ABCG2: variants seen among roughly 807,000 people sequenced by gnomAD.
ABCG2 encodes ATP binding cassette subfamily G member 2 (JR blood group), also known as broad substrate specificity ATP-binding cassette transporter ABCG2.
ABCG2 carries 80 observed loss-of-function variants against 73.5 expected under a neutral mutation model. The observed-to-expected ratio is 1.09, with a 90% CI of 0.91 to 1.31. The LOEUF (loss-of-function observed/expected upper bound fraction) is 1.31. Ranked by LOEUF, ABCG2 falls within the 50% of genes most tolerant of loss-of-function variation. ABCG2 has a pLI of 0.00. For synonymous variants in ABCG2, 269 were observed against 282.4 expected (o/e 0.95, Z 0.48); for missense variants, 796 against 786.2 (o/e 1.01, Z -0.15).
At chr4:88,095,455 G>T (rs1721919945) in intron 14 of ABCG2, 65 bp downstream of exon 14, 1 of 1,401,842 alleles carries the variant, frequency 7.1e-7, no homozygotes, top group Non-Finnish European at 1.0e-6. Flanking sequence ...ATGAGATGAG[G>T]ACACTTGATT....
intron 1 of ABCG2, among the ~76,000 whole-genome samples, chr4:88,175,158 G>A (rs1434165455): frequency 6.6e-6 from 1 of 152,186 alleles, no homozygotes; most frequent in African/African-American, 2.4e-5. Context: ...TTAAGAAACA[G>A]ATTGTTATGT....
At chr4:88,115,250 CTCTCTCTATATATATA>C (rs906702693) in intron 7 of ABCG2, among the ~76,000 whole-genome samples, 192 bp from the exon 8 acceptor site, 2 of 80,430 alleles carry the variant, frequency 2.5e-5, no homozygotes, top group African/African-American at 8.5e-5. Flanking sequence ...CTCTCTCTCT[CTCTCTCTATATATATA>C]TATATATATA....
intron 1 of ABCG2, among the ~76,000 whole-genome samples, chr4:88,194,382 C>G (rs1009862499): frequency 1.3e-5 from 2 of 151,598 alleles, no homozygotes; most frequent in African/African-American, 4.8e-5. Flanking sequence ...AACCCCGTCT[C>G]TACTAAAAAT....
chr4:88,204,995 G>A (rs1035227073), intron 1 of ABCG2, among the ~76,000 whole-genome samples: 1 of 152,224 alleles, frequency 6.6e-6, no homozygotes, highest in Non-Finnish European at 1.5e-5. Context: ...AGACCAGACT[G>A]TCTTGAACAA....
chr4:88,100,870 A>C (rs1722359681), intron 11 of ABCG2, among the ~76,000 whole-genome samples: 1 of 152,116 alleles, frequency 6.6e-6, no homozygotes, highest in Non-Finnish European at 1.5e-5. Flanking sequence ...TTTACTAAAA[A>C]CAAAATATAC....
chr4:88,213,757 A>G (rs1230937918), intron 1 of ABCG2, among the ~76,000 whole-genome samples: 1 of 151,714 alleles, frequency 6.6e-6, no homozygotes, highest in African/African-American at 2.4e-5. Flanking sequence ...ATCTTGGCTC[A>G]CTTCAACCTC....
At chr4:88,132,759 C>A in intron 2 of ABCG2, 124 bp from the exon 3 acceptor site, 1 of 1,083,632 alleles carries the variant, frequency 9.2e-7, no homozygotes, top group South Asian at 1.4e-5. Flanking sequence ...AAGCACAAAC[C>A]AACTCTTAAA....
chr4:88,135,714 C>T (rs1009528031), intron 2 of ABCG2, among the ~76,000 whole-genome samples: 2 of 152,186 alleles, frequency 1.3e-5, no homozygotes, highest in African/African-American at 4.8e-5. Context: ...CAATGTCCTG[C>T]ACTAGCAGGC....
rs547614449 is a variant in ABCG2, at chr4:88,148,622, C to T, written c.-19-8608G>A. On this transcript the variant is annotated intron_variant, in intron 1 of 15. Coordinates refer to ENST00000237612, the MANE Select transcript of ABCG2 (RefSeq NM_004827.3). ...CAAGGTATCTATAGGAAATTAATAA[C>T]TTACAGAAATTAATACTTATTACTA... 5.3e-5 allele frequency among the ~76,000 whole-genome samples: 8 copies of T among 152,260 alleles called. No homozygotes were observed. The South Asian group carries it at 1.0e-3, about 20-fold the overall frequency.
At chr4:88,130,199 G>A (rs1270234383) in intron 5 of ABCG2, among the ~76,000 whole-genome samples, 6 of 152,092 alleles carry the variant, frequency 3.9e-5, no homozygotes, top group East Asian at 3.9e-4. Flanking sequence ...AAGCTTCATC[G>A]GTATTTACAG....
At chr4:88,186,918 CAAAAAAAA>C (rs35676506) in intron 1 of ABCG2, among the ~76,000 whole-genome samples, 1 of 76,340 alleles carries the variant, frequency 1.3e-5, no homozygotes. Flanking sequence ...GACTCCGTCT[CAAAAAAAA>C]AAAAAAAAAA....
At chr4:88,098,649 T>TAGATAGAC (rs1423719232) in intron 12 of ABCG2, among the ~76,000 whole-genome samples, 3 of 146,974 alleles carry the variant, frequency 2.0e-5, no homozygotes, top group Non-Finnish European at 3.0e-5. Flanking sequence ...CAGGGAGAGA[T>TAGATAGAC]AGATAGATAG....
At chr4:88,104,373 G>A (rs1019471172) in intron 10 of ABCG2, among the ~76,000 whole-genome samples, 3 of 152,144 alleles carry the variant, frequency 2.0e-5, no homozygotes, top group African/African-American at 7.2e-5. Context: ...TTGAGAACCT[G>A]TTTCCAGAGA....
At chr4:88,166,063 C>T (rs1036995422) in intron 1 of ABCG2, among the ~76,000 whole-genome samples, 3 of 152,112 alleles carry the variant, frequency 2.0e-5, no homozygotes, top group Non-Finnish European at 4.4e-5. Flanking sequence ...ATGGAGGGAC[C>T]CACTGGCACC....
chr4:88,223,979 A>C (rs1178064940), intron 1 of ABCG2: 1 of 151,560 alleles, frequency 6.6e-6, no homozygotes, highest in African/African-American at 2.4e-5. Flanking sequence ...GCATCTTTTC[A>C]TGTGCTTATT....
chr4:88,147,675 C>G (rs1726151238), intron 1 of ABCG2, among the ~76,000 whole-genome samples: 1 of 152,146 alleles, frequency 6.6e-6, no homozygotes, highest in Non-Finnish European at 1.5e-5. Context: ...TGCAAGGTAG[C>G]TTAATAAAGA....
chr4:88,167,505 C>T (rs1205289214), intron 1 of ABCG2, among the ~76,000 whole-genome samples: 1 of 151,522 alleles, frequency 6.6e-6, no homozygotes, highest in Non-Finnish European at 1.5e-5. Flanking sequence ...TCCCGAGTAG[C>T]TGGACTACAG....
intron 1 of ABCG2, among the ~76,000 whole-genome samples, chr4:88,181,591 C>T (rs557378926): frequency 2.6e-5 from 4 of 151,988 alleles, no homozygotes; most frequent in East Asian, 3.9e-4. Flanking sequence ...AATAGCCTGG[C>T]GTGGTGGTGC....
chr4:88,198,579 G>C (rs991878441), intron 1 of ABCG2, among the ~76,000 whole-genome samples: 1 of 152,124 alleles, frequency 6.6e-6, no homozygotes, highest in Admixed American at 6.6e-5. Flanking sequence ...GCTGCAGTGA[G>C]CTATGATCAT....
Sources: allele counts gnomAD v4.1 joint callset (sites outside exome capture counted in the v4.1 genomes callset), GRCh38; gene constraint gnomAD v4.1.1; transcripts MANE v1.5; gene names NCBI Gene and HGNC (gene_info 2026-07-23, HGNC 2026-07-21).